The following LRCH1 variants were observed in gnomAD, a reference collection of about 807,000 sequenced individuals.
The protein encoded by LRCH1 is leucine rich repeats and calponin homology domain containing 1, also known as leucine-rich repeat and calponin homology domain-containing protein 1.
Under a neutral mutation model 94.9 loss-of-function variants are expected in LRCH1, and 23 were observed. That is an observed-to-expected ratio of 0.24 (90% CI 0.17 to 0.34). The LOEUF is 0.34. Ranked by LOEUF, LRCH1 falls within the 10% of genes least tolerant of loss-of-function variation. LRCH1 has a pLI of 1.00. For synonymous variants in LRCH1, 364 were observed against 354.9 expected, an observed-to-expected ratio of 1.03 and a Z score of -0.29; for missense variants, 790 against 945.9, an observed-to-expected ratio of 0.84 and a Z score of 2.16.
intron 7 of LRCH1, among the ~76,000 whole-genome samples, chr13:46,691,470 CT>C (rs1870891867): frequency 1.3e-5 from 2 of 152,140 alleles, no homozygotes; most frequent in Non-Finnish European, 2.9e-5. Context: ...TTAGTTCATT[CT>C]TGTGTTGCTA....
chr13:46,739,035 T>C (rs1213447360), intron 19 of LRCH1, among the ~76,000 whole-genome samples: 1 of 152,240 alleles, frequency 6.6e-6, no homozygotes, highest in Non-Finnish European at 1.5e-5. Context: ...GATTAAAAAA[T>C]ACTTTGTAAG....
intron 3 of LRCH1, among the ~76,000 whole-genome samples, chr13:46,671,734 T>C (rs1252040591): frequency 6.6e-6 from 1 of 152,228 alleles, no homozygotes; most frequent in East Asian, 1.9e-4. Context: ...GCAAATACAA[T>C]ATGAATAACA....
At chr13:46,731,777 G>A (rs1028604141) in intron 18 of LRCH1, among the ~76,000 whole-genome samples, 46 of 152,214 alleles carry the variant, frequency 3.0e-4, no homozygotes, top group African/African-American at 8.9e-4. Flanking sequence ...CTCAGCACAG[G>A]CAGCTCCCTC....
chr13:46,587,578 T>C (rs941144985), intron 1 of LRCH1, among the ~76,000 whole-genome samples: 2 of 152,224 alleles, frequency 1.3e-5, no homozygotes, highest in Non-Finnish European at 2.9e-5. Context: ...TTGTCCTGAA[T>C]TGATGAACGA....
chr13:46,687,876 A>G lies in LRCH1; in HGVS notation c.847A>G (p.Ile283Val). Residue 283 changes from isoleucine (I) to valine (V), a missense_variant, in exon 6 of 20, where the codon ATA becomes GTA. By Grantham distance (29) the Ile-to-Val change is conservative. Coordinates refer to ENST00000389797, the MANE Select transcript of LRCH1 (RefSeq NM_001164211.2). The part of the protein sequence containing the change: ...AQICTKGKVH[I>V]FKYLSIQACQ... Reference sequence around the variant, plus strand: ...GATTTGCACAAAGGGCAAAGTTCACATATTTAAGTATCTGAGCATACAAGC... The same window carrying G: ...GATTTGCACAAAGGGCAAAGTTCACGTATTTAAGTATCTGAGCATACAAGC... The G allele has an allele frequency of 3.1e-6, 5 of 1,612,442 alleles. No individual in the cohort carries two copies. Among genetic ancestry groups the G allele is most frequent in the African/African-American group, 1.3e-5 (1 of 75,036 alleles).
At chr13:46,705,240 C>CTTTTTTTTTTT (rs11483731) in intron 12 of LRCH1, 28 bp from the exon 13 acceptor site, 3 of 1,511,662 alleles carry the variant, frequency 2.0e-6, no homozygotes, top group African/African-American at 1.4e-5. Context: ...CACTTTGTAT[C>CTTTTTTTTTTT]TTTTTTTTTC....
chr13:46,593,356 A>G (rs2050523518), intron 1 of LRCH1, among the ~76,000 whole-genome samples: 1 of 136,624 alleles, frequency 7.3e-6, no homozygotes, highest in Non-Finnish European at 1.5e-5. Flanking sequence ...TTTTCTAGTC[A>G]GTGGTTAACT....
In LRCH1 at chr13:46,742,165, G is replaced by T. The variant is rs1873696018; in HGVS notation, c.*317G>T. 2.5e-6 allele frequency: 3 copies of T among 1,194,452 alleles called. No individual in the cohort carries two copies. The South Asian group carries it at 6.2e-5, about 25-fold the overall frequency. The allele number at this position is 1,194,452 out of a possible 1,614,324, so 74.0% of individuals were successfully genotyped here. ...CTCCTCTCCCTCCCGGTGAGCTGCT[G>T]CCCTGGGCAGAGGGGAGGAGAATTC... On this transcript the variant is annotated 3_prime_UTR_variant, in exon 20 of 20. Transcript: ENST00000389797.
intron 1 of LRCH1, among the ~76,000 whole-genome samples, chr13:46,621,566 G>A (rs1314404234): frequency 6.6e-6 from 1 of 152,124 alleles, no homozygotes; most frequent in African/African-American, 2.4e-5. Context: ...GGCATTAGTT[G>A]GAAAGCTTTG....
chr13:46,684,909 G>A (rs1566224449), intron 4 of LRCH1, among the ~76,000 whole-genome samples: 1 of 152,214 alleles, frequency 6.6e-6, no homozygotes, highest in Non-Finnish European at 1.5e-5. Flanking sequence ...ACGTAGCTGA[G>A]TAAAGTGAAG....
chr13:46,582,692 G>A (rs2050386892), intron 1 of LRCH1, among the ~76,000 whole-genome samples: 1 of 49,832 alleles, frequency 2.0e-5, no homozygotes, highest in African/African-American at 6.2e-5. Flanking sequence ...GTAGAGACGG[G>A]GTCTCAACAT....
At chr13:46,624,473 A>G (rs994181626) in intron 1 of LRCH1, among the ~76,000 whole-genome samples, 8 of 152,182 alleles carry the variant, frequency 5.3e-5, no homozygotes, top group African/African-American at 1.9e-4. Flanking sequence ...AGACGGGGCT[A>G]TTGCATTCCA....
At chr13:46,649,942 AG>A (rs1424337052) in intron 1 of LRCH1, among the ~76,000 whole-genome samples, 4 of 152,312 alleles carry the variant, frequency 2.6e-5, no homozygotes, top group East Asian at 3.8e-4. Flanking sequence ...CATAATTTTT[AG>A]TTACAGTAAA....
chr13:46,628,970 T>C (rs1267907566), intron 1 of LRCH1, among the ~76,000 whole-genome samples: 3 of 152,232 alleles, frequency 2.0e-5, no homozygotes, highest in African/African-American at 7.2e-5. Flanking sequence ...CATTGGTTTA[T>C]CCATATAGTA....
chr13:46,609,984 C>T (rs1312931727), intron 1 of LRCH1, among the ~76,000 whole-genome samples: 1 of 152,188 alleles, frequency 6.6e-6, no homozygotes, highest in East Asian at 1.9e-4. Context: ...TGAGTTGTGA[C>T]ATCCAAGGTG....
intron 1 of LRCH1, among the ~76,000 whole-genome samples, chr13:46,638,360 G>T (rs921611785): frequency 6.6e-6 from 1 of 152,112 alleles, no homozygotes; most frequent in African/African-American, 2.4e-5. Flanking sequence ...GACTTCTTCA[G>T]CAATATGTTA....
intron 2 of LRCH1, among the ~76,000 whole-genome samples, chr13:46,662,359 C>T (rs964899176): frequency 3.3e-5 from 5 of 152,084 alleles, no homozygotes; most frequent in African/African-American, 9.7e-5. Context: ...GAGCTTAGGC[C>T]GCTACAAGTC....
intron 13 of LRCH1, among the ~76,000 whole-genome samples, chr13:46,709,481 T>C (rs1437521032): frequency 2.0e-5 from 3 of 152,170 alleles, no homozygotes; most frequent in Non-Finnish European, 4.4e-5. Flanking sequence ...ATTGGGCAGA[T>C]TGTATTACTC....
At chr13:46,598,571 T>C (rs2050590994) in intron 1 of LRCH1, among the ~76,000 whole-genome samples, 2 of 143,942 alleles carry the variant, frequency 1.4e-5, no homozygotes, top group Non-Finnish European at 3.0e-5. Flanking sequence ...CTGTAACTTT[T>C]GTAGTTTCAC....
Sources: allele counts gnomAD v4.1 joint callset (sites outside exome capture counted in the v4.1 genomes callset), GRCh38; gene constraint gnomAD v4.1.1; transcripts MANE v1.5; gene names NCBI Gene and HGNC (gene_info 2026-07-23, HGNC 2026-07-21).